Variants in RPS25 observed in about 807,000 individuals in gnomAD.
The protein encoded by RPS25 is small ribosomal subunit protein eS25.
In RPS25, 1 loss-of-function variant was observed where a neutral mutation model predicts 14.4. That is an observed-to-expected ratio of 0.07 (90% confidence interval 0.02 to 0.33). The LOEUF is 0.33. RPS25 is among the 10% of genes least tolerant of loss of function. RPS25 has a pLI of 1.00. For synonymous variants in RPS25, 63 were observed against 53.8 expected (o/e 1.17, Z -0.75); for missense variants, 65 against 144.6 (o/e 0.45, Z 2.82).
At chr11:119,018,229 C>T (rs1943213907) in intron 1 of RPS25, 53 bp downstream of exon 1, 5 of 1,613,600 alleles carry the variant, frequency 3.1e-6, no homozygotes, top group Non-Finnish European at 4.2e-6. Flanking sequence ...AGGCTCTCCC[C>T]ACTGAGTCCT....
chr11:119,015,934 T>C lies in RPS25; in HGVS notation c.289A>G (p.Ile97Val). 6.3e-7 allele frequency: 1 copy of C among 1,590,964 alleles called. No homozygotes were observed. Residue 97 changes from isoleucine to valine, a missense_variant, in exon 4 of 5, where the codon ATC (isoleucine) becomes GTC (valine). Transcript: ENST00000527673. The part of the protein sequence containing the change: ...ALQELLSKGL[I>V]KLVSKHRAQV... ...GCTCTGTGCTTTGAAACCAGTTTGA[T>C]AAGTCCTAGGGGGAGAGAATAGCAC...
intron 4 of RPS25, 30 bp downstream of exon 4, chr11:119,015,811 T>C (rs1289732493): frequency 6.9e-7 from 1 of 1,455,394 alleles, no homozygotes; most frequent in Non-Finnish European, 9.7e-7. Flanking sequence ...ATCTACCTCC[T>C]ACACCATGAG....
chr11:119,015,799 G>GT (rs1555187920), intron 4 of RPS25, 41 bp from the exon 5 acceptor site: 1 of 1,387,060 alleles, frequency 7.2e-7, no homozygotes, highest in Non-Finnish European at 1.0e-6. Context: ...ATAAAGCTTT[G>GT]TATCTACCTC....
At position 119,016,016 on chromosome 11, in the gene RPS25, G is replaced by A. The variant is rs117207459; in HGVS notation, c.284-77C>T. The A allele has an allele frequency of 1.2e-3, 1,053 of 883,074 alleles. 4 individuals carry two copies. The East Asian group carries it at 0.012, about 10-fold the overall frequency. The allele number at this position is 883,074 out of a possible 1,614,324, so 54.7% of individuals were successfully genotyped here. ...ACTAGTAAGGTTTTTGGCTGGGCGC[G>A]GTGGCTCATGCTTATAATCCCACTG... On this transcript the variant is annotated intron_variant, in intron 3 of 4. Coordinates refer to ENST00000527673, the MANE Select transcript of RPS25 (RefSeq NM_001028.3).
intron 3 of RPS25, 52 bp downstream of exon 3, chr11:119,017,310 T>C (rs1206055553): frequency 1.5e-6 from 2 of 1,348,418 alleles, no homozygotes; most frequent in East Asian, 4.8e-5. Flanking sequence ...ATGCTTAACA[T>C]GGTCAAGACA....
chr11:119,017,673 AAAAC>A (rs1158566121), intron 2 of RPS25, 128 bp from the exon 3 acceptor site: 9 of 899,742 alleles, frequency 1.0e-5, no homozygotes, highest in African/African-American at 8.4e-5. Context: ...TACTAAAACA[AAAAC>A]AAAAAAAAAA....
In RPS25 at chr11:119,017,808, A is replaced by C. The variant is rs953152409; in HGVS notation, c.99+150T>G. 8.4e-6 allele frequency: 6 copies of C among 712,002 alleles called. No homozygotes were observed. The Admixed American group carries it at 1.6e-4, about 18-fold the overall frequency. 44.1% of individuals were successfully genotyped at this position (712,002 alleles called of 1,614,324 possible). Reference sequence around the variant, plus strand: ...GACCCATTTTCATGATCCTAATGGGAAAAAGAACGAGTGGTGACGGGAAGA... The same window carrying C: ...GACCCATTTTCATGATCCTAATGGGCAAAAGAACGAGTGGTGACGGGAAGA... On this transcript the variant is annotated intron_variant, in intron 2 of 4. Coordinates refer to ENST00000527673, the MANE Select transcript of RPS25 (RefSeq NM_001028.3).
At chr11:119,016,645 CT>C (rs1418008383) in intron 3 of RPS25, among the ~76,000 whole-genome samples, 3 of 147,732 alleles carry the variant, frequency 2.0e-5, no homozygotes, top group Non-Finnish European at 3.0e-5. Flanking sequence ...CCCCCCCCCC[CT>C]TTCTGAGACA....
intron 3 of RPS25, among the ~76,000 whole-genome samples, chr11:119,016,758 G>T (rs1210591350): frequency 6.6e-6 from 1 of 151,786 alleles, no homozygotes; most frequent in Non-Finnish European, 1.5e-5. Context: ...AGCATCCTGA[G>T]TAGCTGGGAT....
chr11:119,016,621 T>C (rs57033197), intron 3 of RPS25, among the ~76,000 whole-genome samples: 5,758 of 148,236 alleles, frequency 0.039, 359 homozygotes, highest in African/African-American at 0.14. Context: ...AAATTAGGGC[T>C]CCATTATCTT....
At position 119,015,958 on chromosome 11, in the gene RPS25, A is replaced by G. The variant is rs782040442; in HGVS notation, c.284-19T>C. ...ATAAGTCCTAGGGGGAGAGAATAGC[A>G]CGATGAGATGCTTAACAGATGCTAC... On this transcript the variant is annotated intron_variant, in intron 3 of 4. Coordinates refer to ENST00000527673, the MANE Select transcript of RPS25 (RefSeq NM_001028.3). 1.4e-6 allele frequency: 2 copies of G among 1,424,502 alleles called. No homozygotes were observed. Among genetic ancestry groups the G allele is most frequent in the Non-Finnish European group, 2.0e-6 (2 of 1,007,814 alleles). The allele number at this position is 1,424,502 out of a possible 1,614,324, so 88.2% of individuals were successfully genotyped here.
intron 4 of RPS25, 26 bp downstream of exon 4, chr11:119,015,815 C>A (rs1565674464): frequency 1.4e-6 from 2 of 1,475,342 alleles, no homozygotes; most frequent in Non-Finnish European, 1.9e-6. Flanking sequence ...ACCTCCTACA[C>A]CATGAGCCCA....
chr11:119,015,884 G>C lies in RPS25; in HGVS notation c.339C>G (p.Thr113=), dbSNP rs371801166. 3.1e-6 allele frequency: 5 copies of C among 1,611,978 alleles called. No homozygotes were observed. The highest frequency in any genetic ancestry group is 2.7e-5 in the African/African-American group (2 of 74,956). The change falls in exon 4 of 5, where the codon ACC becomes ACG. Residue 113 remains threonine (T), a synonymous_variant. Coordinates refer to ENST00000527673, the MANE Select transcript of RPS25 (RefSeq NM_001028.3). The stretch of plus-strand genomic sequence containing the variant: ...CAGCAGCTGGAGCATCTCCACCCTT[G>C]GTATTTCTGGTGTAAATTACTTGAG... ...HRAQVIYTRN[T]KGGDAPAAGE...
chr11:119,017,765 C>A (rs1015174673), intron 2 of RPS25, 193 bp downstream of exon 2: 3 of 663,470 alleles, frequency 4.5e-6, no homozygotes, highest in Non-Finnish European at 5.2e-6. Context: ...GGCACAGCGG[C>A]AGACACTTCG....
chr11:119,016,234 C>CAAGACT (rs1192291982), intron 3 of RPS25, among the ~76,000 whole-genome samples: 2 of 152,112 alleles, frequency 1.3e-5, no homozygotes, highest in African/African-American at 2.4e-5. Context: ...TGCATTGAGC[C>CAAGACT]AAGACTGCCC....
At chr11:119,016,171 C>G (rs1943151024) in intron 3 of RPS25, among the ~76,000 whole-genome samples, 1 of 152,064 alleles carries the variant, frequency 6.6e-6, no homozygotes, top group African/African-American at 2.4e-5. Flanking sequence ...GCTTGTAATT[C>G]CAGCTACTTG....
In RPS25 at chr11:119,015,771, AT is replaced by A; in HGVS notation, c.*5-14del. ...CAGCTGGTTGGACCTGTAAAAAAAAATTAAAAGAATCAGAACCATAAAGCTT... is the reference window on the plus strand; with the variant it reads ...CAGCTGGTTGGACCTGTAAAAAAAAATAAAAGAATCAGAACCATAAAGCTT... On this transcript the variant is annotated splice_polypyrimidine_tract_variant and intron_variant, in intron 4 of 4. Coordinates refer to ENST00000527673, the MANE Select transcript of RPS25 (RefSeq NM_001028.3). 1 of 1,322,968 alleles carries A rather than the reference AT, an allele frequency of 7.6e-7. No homozygotes were observed. The highest frequency in any genetic ancestry group is 1.5e-5 in the African/African-American group (1 of 67,720). 82.0% of individuals were successfully genotyped at this position (1,322,968 alleles called of 1,614,324 possible).
intron 2 of RPS25, 21 bp downstream of exon 2, chr11:119,017,937 T>C: frequency 6.3e-7 from 1 of 1,588,608 alleles, no homozygotes; most frequent in South Asian, 1.1e-5. Context: ...CTAGTCTCTT[T>C]CAGAGAGGTC....
chr11:119,017,804 T>TG, intron 2 of RPS25, 154 bp downstream of exon 2: 3 of 704,756 alleles, frequency 4.3e-6, no homozygotes, highest in Non-Finnish European at 7.3e-6. Context: ...ATGATCCTAA[T>TG]GGGAAAAAGA....
Sources: gnomAD v4.1 joint callset for allele counts (sites outside exome capture counted in the v4.1 genomes callset) on GRCh38, gnomAD v4.1.1 for gene constraint, MANE v1.5 for transcripts, NCBI Gene and HGNC (gene_info 2026-07-23, HGNC 2026-07-21) for gene names.